The following ARL13B variants were observed in gnomAD, a reference collection of about 807,000 sequenced individuals.
The protein encoded by ARL13B is ADP-ribosylation factor-like protein 13B.
A neutral mutation model predicts 56.1 loss-of-function variants in ARL13B; 36 were observed. The ratio of observed to expected loss-of-function variants is 0.64; its 90% CI spans 0.49 to 0.85. The LOEUF (loss-of-function observed/expected upper bound fraction) is 0.85. Ranked by LOEUF, ARL13B falls within the 40% of genes least tolerant of loss-of-function variation. The probability of loss-of-function intolerance (pLI) is 0.00; values close to 1 mark genes in which losing one functional copy is unlikely to be tolerated. For missense variants in ARL13B, 519 were observed against 507.1 expected (o/e 1.02, Z -0.23); for synonymous variants, 178 against 171.1 (o/e 1.04, Z -0.32).
intron 1 of ARL13B, among the ~76,000 whole-genome samples, chr3:93,981,094 C>CTT (rs1710192734): frequency 1.3e-5 from 2 of 152,124 alleles, no homozygotes; most frequent in Admixed American, 1.3e-4. Flanking sequence ...TCTAGTAAAA[C>CTT]CTTTTAATTG....
intron 7 of ARL13B, chr3:94,047,727 C>T (rs1294618223): frequency 2.0e-5 from 3 of 152,116 alleles, no homozygotes; most frequent in Non-Finnish European, 4.4e-5. Context: ...TTTAACGTGA[C>T]CCTGAACTAA....
intron 3 of ARL13B, among the ~76,000 whole-genome samples, chr3:94,007,336 A>G (rs2076151908): frequency 6.6e-6 from 1 of 152,222 alleles, no homozygotes; most frequent in East Asian, 1.9e-4. Context: ...AGGTTGTGAC[A>G]ATCTTTAGTT....
At chr3:94,050,778 A>C in intron 8 of ARL13B, 46 bp from the exon 9 acceptor site, 1 of 1,552,480 alleles carries the variant, frequency 6.4e-7, no homozygotes, top group Non-Finnish European at 8.8e-7. Flanking sequence ...AGACCTAAAG[A>C]AACCTTGTTT....
rs761032648 is a variant in ARL13B, at chr3:94,055,618, G to C, written c.*2355G>C. On this transcript the variant is annotated 3_prime_UTR_variant, in exon 10 of 10. Coordinates refer to ENST00000394222, the MANE Select transcript of ARL13B (RefSeq NM_001174150.2). Reference sequence around the variant, plus strand: ...CCTTTATGTGTAAAATGCATATTACGTAGTATACATGATATTGTATGTAAC... The same window carrying C: ...CCTTTATGTGTAAAATGCATATTACCTAGTATACATGATATTGTATGTAAC... The C allele has an allele frequency of 2.2e-6, 1 of 453,792 alleles. No homozygotes were observed. The highest frequency in any genetic ancestry group is 2.4e-5 in the Admixed American group (1 of 42,540). 28.1% of individuals were successfully genotyped at this position (453,792 alleles called of 1,614,324 possible).
At chr3:93,989,424 A>AG (rs1710630831) in intron 1 of ARL13B, among the ~76,000 whole-genome samples, 1 of 152,142 alleles carries the variant, frequency 6.6e-6, no homozygotes, top group Non-Finnish European at 1.5e-5. Flanking sequence ...ATGGTTGTGA[A>AG]GGGCTGAAGG....
At chr3:94,013,803 C>T (rs1023096003) in intron 3 of ARL13B, among the ~76,000 whole-genome samples, 5 of 152,108 alleles carry the variant, frequency 3.3e-5, no homozygotes, top group South Asian at 4.1e-4. Flanking sequence ...AAAAATTAAC[C>T]GAGTGTGGTG....
intron 1 of ARL13B, chr3:93,988,861 G>A (rs1710602409): frequency 7.9e-6 from 3 of 380,258 alleles, no homozygotes; most frequent in Non-Finnish European, 1.0e-5. Flanking sequence ...TTTTGCAGGA[G>A]CAGGTTTAGC....
At position 94,039,570 on chromosome 3, in the gene ARL13B, G is replaced by A. The variant is rs142671747; in HGVS notation, c.690-310G>A. On this transcript the variant is annotated intron_variant, in intron 5 of 9. Transcript: ENST00000394222. ...AGTAAAGAGGACAGCATTGATTTTG[G>A]AGGGTAATTAATAAGTTGATCAGTA... 4.1e-3 allele frequency among the ~76,000 whole-genome samples: 622 copies of A among 151,982 alleles called. 2 individuals carry two copies. Among genetic ancestry groups the A allele is most frequent in the Non-Finnish European group, 6.3e-3 (426 of 67,998 alleles).
chr3:94,039,623 G>T (rs1177543757), intron 5 of ARL13B, among the ~76,000 whole-genome samples: 1 of 151,832 alleles, frequency 6.6e-6, no homozygotes, highest in Non-Finnish European at 1.5e-5. Flanking sequence ...AAGAATAATT[G>T]CACTGTTGAT....
intron 1 of ARL13B, among the ~76,000 whole-genome samples, chr3:93,992,817 G>A (rs2075898587): frequency 1.3e-5 from 2 of 151,982 alleles, no homozygotes; most frequent in African/African-American, 4.8e-5. Flanking sequence ...TTTTGAGACA[G>A]CATCTCACTC....
chr3:93,996,550 CT>C, intron 2 of ARL13B: 35 of 257,620 alleles, frequency 1.4e-4, no homozygotes, highest in East Asian at 2.2e-4. Flanking sequence ...TTTATTAGGT[CT>C]TTTTTTGGTA....
rs772804892 is a variant in ARL13B at position 94,055,617 on chromosome 3, C to T, written c.*2354C>T. The T allele has an allele frequency of 2.0e-4, 90 of 453,698 alleles. 2 individuals are homozygous for T. The highest frequency in any genetic ancestry group is 1.3e-3 in the South Asian group (87 of 64,460). 28.1% of individuals were successfully genotyped at this position (453,698 alleles called of 1,614,324 possible). A position where few individuals can be genotyped will look rare whatever the true frequency, so the allele number is the denominator to read the frequency against. Reference sequence around the variant, plus strand: ...GCCTTTATGTGTAAAATGCATATTACGTAGTATACATGATATTGTATGTAA... The same window carrying T: ...GCCTTTATGTGTAAAATGCATATTATGTAGTATACATGATATTGTATGTAA... On this transcript the variant is annotated 3_prime_UTR_variant, in exon 10 of 10. Coordinates refer to ENST00000394222, the MANE Select transcript of ARL13B (RefSeq NM_001174150.2).
intron 1 of ARL13B, among the ~76,000 whole-genome samples, chr3:93,981,470 A>G (rs1710211479): frequency 6.6e-6 from 1 of 152,236 alleles, no homozygotes; most frequent in African/African-American, 2.4e-5. Flanking sequence ...ATTATAACAG[A>G]AAATACATGT....
chr3:93,986,277 A>G (rs1308167000), intron 1 of ARL13B, among the ~76,000 whole-genome samples: 1 of 152,224 alleles, frequency 6.6e-6, no homozygotes. Flanking sequence ...AAAGCAGGCT[A>G]TAAACCCAAG....
chr3:94,021,385 A>T (rs2076446167), intron 3 of ARL13B, among the ~76,000 whole-genome samples: 1 of 151,830 alleles, frequency 6.6e-6, no homozygotes, highest in Non-Finnish European at 1.5e-5. Flanking sequence ...GGTAGAGACA[A>T]GGTTTCACCA....
At chr3:94,033,475 A>G (rs2076712399) in intron 3 of ARL13B, among the ~76,000 whole-genome samples, 1 of 152,188 alleles carries the variant, frequency 6.6e-6, no homozygotes, top group Non-Finnish European at 1.5e-5. Flanking sequence ...CAAAGGATCA[A>G]ACATTTATCT....
chr3:94,054,695 C>T lies in ARL13B; in HGVS notation c.*1432C>T, dbSNP rs189916475. ...TATTCACATTTTTTAACTCACTGAA[C>T]TTTAATAATCAGGTCACCTGTACTC... On this transcript the variant is annotated 3_prime_UTR_variant, in exon 10 of 10. Transcript: ENST00000394222. The T allele has an allele frequency of 5.2e-5, 20 of 385,384 alleles. No homozygotes were observed. The highest frequency in any genetic ancestry group is 3.4e-4 in the Admixed American group (10 of 29,558). The allele number at this position is 385,384 out of a possible 1,614,324, so 23.9% of individuals were successfully genotyped here.
At chr3:94,010,681 C>T (rs1319681925) in intron 3 of ARL13B, among the ~76,000 whole-genome samples, 1 of 151,878 alleles carries the variant, frequency 6.6e-6, no homozygotes, top group East Asian at 1.9e-4. Context: ...TAAGGTGATA[C>T]TAATTGGTTT....
At chr3:94,045,252 C>T (rs1416170699) in intron 7 of ARL13B, among the ~76,000 whole-genome samples, 1 of 151,942 alleles carries the variant, frequency 6.6e-6, no homozygotes, top group Non-Finnish European at 1.5e-5. Flanking sequence ...GCAGCATGCT[C>T]ATTAAGAGTC....
Sources: allele counts gnomAD v4.1 joint callset (sites outside exome capture counted in the v4.1 genomes callset), GRCh38; gene constraint gnomAD v4.1.1; transcripts MANE v1.5; gene names NCBI Gene and HGNC (gene_info 2026-07-23, HGNC 2026-07-21).